The following ZNF609 variants were observed in gnomAD, a reference collection of about 807,000 sequenced individuals.
ZNF609 encodes zinc finger protein 609.
ZNF609 carries 11 observed loss-of-function variants against 109.5 expected under a neutral mutation model. The observed-to-expected ratio is 0.10, with a 90% CI of 0.06 to 0.17. The LOEUF is 0.17. ZNF609 is among the 10% of genes least tolerant of loss of function. The pLI, the probability that ZNF609 is intolerant of heterozygous loss-of-function variation, is 1.00. For missense variants in ZNF609, 1,559 were observed against 1,772.4 expected (o/e 0.88, Z 2.16); for synonymous variants, 646 against 662.0 (o/e 0.98, Z 0.37).
intron 3 of ZNF609, among the ~76,000 whole-genome samples, chr15:64,627,496 G>A (rs1228364448): frequency 1.2e-4 from 18 of 152,048 alleles, no homozygotes; most frequent in Admixed American, 1.2e-3. Flanking sequence ...TTATGGTATA[G>A]TGGAAGGAGC....
At chr15:64,502,330 G>A (rs1893573349) in intron 2 of ZNF609, 1 of 152,136 alleles carries the variant, frequency 6.6e-6, no homozygotes, top group South Asian at 2.1e-4. Flanking sequence ...TTTGGAAGTT[G>A]CTAGGAGATT....
intron 2 of ZNF609, among the ~76,000 whole-genome samples, chr15:64,547,425 A>G (rs766656304): frequency 6.6e-6 from 1 of 152,222 alleles, no homozygotes; most frequent in Non-Finnish European, 1.5e-5. Context: ...AACCATGAAT[A>G]TAAAGTGGAT....
chr15:64,664,318 T>G (rs972770361), intron 3 of ZNF609, among the ~76,000 whole-genome samples: 1 of 152,152 alleles, frequency 6.6e-6, no homozygotes, highest in Non-Finnish European at 1.5e-5. Context: ...ATTTATCACC[T>G]TGAAGAAGGG....
Position 64,641,219 on chromosome 15 carries a change from C to CTTTTTTTTTTTTTTTTTTTT in ZNF609, c.973+18182_973+18183insTTTTTTTTTTTTTTTTTTTT, listed in dbSNP as rs34007985. Among the ~76,000 whole-genome samples, 7 of 69,732 alleles carry CTTTTTTTTTTTTTTTTTTTT rather than the reference C, an allele frequency of 1.0e-4. 3 individuals are homozygous for CTTTTTTTTTTTTTTTTTTTT. The highest frequency in any genetic ancestry group is 3.2e-4 in the African/African-American group (6 of 18,864). 45.7% of individuals were successfully genotyped at this position (69,732 alleles called of 152,430 possible). A position where few individuals can be genotyped will look rare whatever the true frequency, so the allele number is the denominator to read the frequency against. On this transcript the variant is annotated intron_variant, in intron 3 of 9. Transcript: ENST00000326648. ...TGGGTGTTAGTTACACTTGTGCTTT[C>CTTTTTTTTTTTTTTTTTTTT]TTTTTTTTTTTTTTTGAGATGGAGT...
At chr15:64,560,090 C>T (rs766600208) in intron 2 of ZNF609, among the ~76,000 whole-genome samples, 19 of 152,172 alleles carry the variant, frequency 1.2e-4, no homozygotes, top group South Asian at 6.2e-4. Flanking sequence ...TCTGTCACCA[C>T]GCTAGAGTGC....
At chr15:64,493,071 A>G (rs977560914) in intron 1 of ZNF609, among the ~76,000 whole-genome samples, 2 of 152,200 alleles carry the variant, frequency 1.3e-5, no homozygotes, top group African/African-American at 4.8e-5. Flanking sequence ...GGACAGATAA[A>G]TTTACAGTAG....
At chr15:64,614,810 C>CTTTTTTTTTTTTTTTTTTTTTTT (rs71133459) in intron 2 of ZNF609, among the ~76,000 whole-genome samples, 1 of 34,342 alleles carries the variant, frequency 2.9e-5, no homozygotes, top group African/African-American at 8.1e-5. Flanking sequence ...TAACATCTCG[C>CTTTTTTTTTTTTTTTTTTTTTTT]TTTTTTTTTT....
intron 2 of ZNF609, among the ~76,000 whole-genome samples, chr15:64,531,816 C>G (rs1441090737): frequency 1.3e-5 from 2 of 152,210 alleles, no homozygotes; most frequent in Non-Finnish European, 2.9e-5. Flanking sequence ...TCAACTCTAA[C>G]ATTCTTAGAA....
intron 2 of ZNF609, chr15:64,528,781 C>G: frequency 2.4e-6 from 2 of 845,508 alleles, no homozygotes; most frequent in Admixed American, 3.6e-5. Flanking sequence ...CAATGGCTGC[C>G]CCAGCATCGA....
chr15:64,555,068 C>A (rs1894555866), intron 2 of ZNF609, among the ~76,000 whole-genome samples: 1 of 150,852 alleles, frequency 6.6e-6, no homozygotes, highest in African/African-American at 2.4e-5. Context: ...TGCACTCCAA[C>A]CTGAGCAACA....
At chr15:64,541,369 G>A (rs1567009510) in intron 2 of ZNF609, among the ~76,000 whole-genome samples, 1 of 149,288 alleles carries the variant, frequency 6.7e-6, no homozygotes, top group Non-Finnish European at 1.5e-5. Flanking sequence ...GGAGCTCGCA[G>A]TGAGCCGAGA....
chr15:64,569,789 G>T (rs1455653700), intron 2 of ZNF609, among the ~76,000 whole-genome samples: 2 of 152,214 alleles, frequency 1.3e-5, no homozygotes, highest in Non-Finnish European at 2.9e-5. Context: ...CCTTTTGTGT[G>T]TATCATTGAG....
chr15:64,470,295 G>C (rs1893074842), intron 1 of ZNF609: 1 of 152,032 alleles, frequency 6.6e-6, no homozygotes, highest in Non-Finnish European at 1.5e-5. Flanking sequence ...CCATCCTCCT[G>C]CTTCAGCCTC....
At chr15:64,528,636 A>G in intron 2 of ZNF609, 1 of 873,522 alleles carries the variant, frequency 1.1e-6, no homozygotes, top group East Asian at 2.6e-5. Context: ...TCTTCCTCTC[A>G]TGCTGTCGCT....
chr15:64,485,410 G>A (rs952080994), intron 1 of ZNF609, among the ~76,000 whole-genome samples: 3 of 152,086 alleles, frequency 2.0e-5, no homozygotes, highest in African/African-American at 4.8e-5. Context: ...TATGTTTAAC[G>A]GCGGTAGAAA....
intron 2 of ZNF609, among the ~76,000 whole-genome samples, chr15:64,579,933 CA>C (rs564523128): frequency 6.6e-6 from 1 of 151,790 alleles, no homozygotes; most frequent in African/African-American, 2.4e-5. Flanking sequence ...CTGCCTCCTC[CA>C]AAAAAAATCT....
In ZNF609 at chr15:64,577,008, G is replaced by A. The variant is rs1567019050; in HGVS notation, c.748-45819G>A. On this transcript the variant is annotated intron_variant, in intron 2 of 9. Coordinates refer to ENST00000326648, the MANE Select transcript of ZNF609 (RefSeq NM_015042.2). ...TATGTATACACATAAATATATATAT[G>A]TATGTATACACATAAATATATATAT... 2.1e-4 allele frequency among the ~76,000 whole-genome samples: 24 copies of A among 112,318 alleles called. 4 individuals carry two copies. Among genetic ancestry groups the A allele is most frequent in the South Asian group, 8.2e-4 (3 of 3,656 alleles). 73.7% of individuals were successfully genotyped at this position (112,318 alleles called of 152,430 possible). A position where few individuals can be genotyped will look rare whatever the true frequency, so the allele number is the denominator to read the frequency against.
chr15:64,463,496 A>T (rs991584275), intron 1 of ZNF609, among the ~76,000 whole-genome samples: 1 of 152,206 alleles, frequency 6.6e-6, no homozygotes, highest in Non-Finnish European at 1.5e-5. Context: ...AGTAAAACTC[A>T]TTGTGAGTGG....
intron 2 of ZNF609, among the ~76,000 whole-genome samples, chr15:64,571,838 T>C (rs938085872): frequency 3.3e-5 from 5 of 152,012 alleles, no homozygotes; most frequent in African/African-American, 1.2e-4. Flanking sequence ...CCTGGATAAT[T>C]TTTGTATTTT....
Sources: allele counts gnomAD v4.1 joint callset (sites outside exome capture counted in the v4.1 genomes callset), GRCh38; gene constraint gnomAD v4.1.1; transcripts MANE v1.5; gene names NCBI Gene and HGNC (gene_info 2026-07-23, HGNC 2026-07-21).